GALNTL6: variants seen among roughly 807,000 people sequenced by gnomAD.
GALNTL6 encodes the protein polypeptide N-acetylgalactosaminyltransferase-like 6.
GALNTL6 carries 46 observed loss-of-function variants against 73.7 expected under a neutral mutation model. That is an observed-to-expected ratio of 0.62 (90% CI 0.49 to 0.80). The LOEUF (loss-of-function observed/expected upper bound fraction) is 0.80. Ranked by LOEUF, GALNTL6 falls within the 30% of genes least tolerant of loss-of-function variation. GALNTL6 has a pLI of 0.00. For missense variants in GALNTL6, 604 were observed against 755.0 expected (o/e 0.80, Z 2.34); for synonymous variants, 259 against 263.7 (o/e 0.98, Z 0.17).
At chr4:171,901,301 A>G (rs1166487670) in intron 2 of GALNTL6, among the ~76,000 whole-genome samples, 2 of 152,120 alleles carry the variant, frequency 1.3e-5, no homozygotes, top group African/African-American at 4.8e-5. Context: ...AAATGATTGA[A>G]CCATTTTCCA....
At chr4:172,887,252 G>GATTCCATGT (rs1417519767) in intron 8 of GALNTL6, among the ~76,000 whole-genome samples, 3 of 152,136 alleles carry the variant, frequency 2.0e-5, no homozygotes, top group African/African-American at 7.2e-5. Flanking sequence ...CACATAGGTT[G>GATTCCATGT]ATTCCATGTA....
chr4:172,782,539 C>A (rs1739424502), intron 5 of GALNTL6, among the ~76,000 whole-genome samples: 1 of 152,124 alleles, frequency 6.6e-6, no homozygotes, highest in African/African-American at 2.4e-5. Context: ...AAAGTTTTTA[C>A]CCTGTAAACA....
chr4:172,382,663 T>C (rs953464044), intron 5 of GALNTL6, among the ~76,000 whole-genome samples: 2 of 152,172 alleles, frequency 1.3e-5, no homozygotes, highest in African/African-American at 4.8e-5. Context: ...TAAAAAACCA[T>C]TGCTTAACAA....
intron 2 of GALNTL6, among the ~76,000 whole-genome samples, chr4:171,854,822 T>A (rs2110868247): frequency 6.6e-6 from 1 of 152,310 alleles, no homozygotes; most frequent in African/African-American, 2.4e-5. Flanking sequence ...TAATTACCTC[T>A]CAAAGGCCCC....
intron 11 of GALNTL6, among the ~76,000 whole-genome samples, chr4:173,010,589 T>TTTTTG (rs1003499760): frequency 3.9e-5 from 6 of 152,026 alleles, no homozygotes; most frequent in African/African-American, 1.2e-4. Context: ...TTTGTTGTTT[T>TTTTTG]TTTTGTTTTG....
intron 2 of GALNTL6, among the ~76,000 whole-genome samples, chr4:171,925,357 A>G (rs370909174): frequency 1.6e-4 from 25 of 152,312 alleles, no homozygotes; most frequent in African/African-American, 6.0e-4. Flanking sequence ...TTAGGAAGAT[A>G]ATTCAGTGAT....
chr4:172,007,050 A>G (rs1740864131), intron 2 of GALNTL6, among the ~76,000 whole-genome samples: 1 of 152,152 alleles, frequency 6.6e-6, no homozygotes, highest in African/African-American at 2.4e-5. Flanking sequence ...ATTAAGGAAA[A>G]TCTTTCCTTT....
At chr4:172,971,551 G>A (rs974969023) in intron 10 of GALNTL6, among the ~76,000 whole-genome samples, 9 of 152,156 alleles carry the variant, frequency 5.9e-5, no homozygotes, top group South Asian at 2.1e-4. Flanking sequence ...AGCAGAATAC[G>A]TTTGCTGATT....
chr4:172,091,861 C>T lies in GALNTL6; in HGVS notation c.139-137795C>T, dbSNP rs556470011. 2.6e-4 allele frequency among the ~76,000 whole-genome samples: 40 copies of T among 152,080 alleles called. 2 individuals carry two copies. Among genetic ancestry groups the T allele is most frequent in the Admixed American group, 1.0e-3 (16 of 15,256 alleles). On this transcript the variant is annotated intron_variant, in intron 2 of 12. Transcript: ENST00000506823. ...CAGTGAGAGAGACAGAGAAAAGAAT[C>T]GGGAACATTTTAAACAAAAAAGTCA...
intron 5 of GALNTL6, among the ~76,000 whole-genome samples, chr4:172,481,348 C>T (rs1035084493): frequency 8.0e-6 from 1 of 124,570 alleles, no homozygotes; most frequent in African/African-American, 2.7e-5. Flanking sequence ...CAGTGCGGAC[C>T]CAAAGAGTGA....
At chr4:172,765,231 G>T (rs750721676) in intron 5 of GALNTL6, among the ~76,000 whole-genome samples, 13 of 152,124 alleles carry the variant, frequency 8.5e-5, no homozygotes, top group Non-Finnish European at 1.9e-4. Context: ...AATGCAGAAG[G>T]ATCAACTGCA....
intron 2 of GALNTL6, among the ~76,000 whole-genome samples, chr4:172,126,313 A>G (rs1324158128): frequency 6.6e-6 from 1 of 152,188 alleles, no homozygotes; most frequent in African/African-American, 2.4e-5. Context: ...TTAATTTAAA[A>G]TAACATAACT....
chr4:171,863,760 A>AT (rs1735899454), intron 2 of GALNTL6, among the ~76,000 whole-genome samples: 1 of 150,016 alleles, frequency 6.7e-6, no homozygotes, highest in Non-Finnish European at 1.5e-5. Flanking sequence ...GAAAAGGAAC[A>AT]CTTTTTTTTT....
At chr4:173,022,920 T>C (rs72708766) in intron 12 of GALNTL6, among the ~76,000 whole-genome samples, 3,507 of 152,360 alleles carry the variant, frequency 0.023, 71 homozygotes, top group Non-Finnish European at 0.031. Context: ...GGGATAGAAC[T>C]TGGCTGTCAA....
At chr4:172,580,520 C>A (rs1207076117) in intron 5 of GALNTL6, among the ~76,000 whole-genome samples, 2 of 152,080 alleles carry the variant, frequency 1.3e-5, no homozygotes, top group East Asian at 1.9e-4. Context: ...AATTTATATT[C>A]TTTTCTTTTC....
chr4:172,349,256 A>G (rs114977441), intron 5 of GALNTL6, among the ~76,000 whole-genome samples: 2,437 of 152,198 alleles, frequency 0.016, 59 homozygotes, highest in African/African-American at 0.055. Flanking sequence ...TAATACTTTT[A>G]TAATTTTATA....
chr4:171,859,862 A>G (rs1735785696), intron 2 of GALNTL6, among the ~76,000 whole-genome samples: 1 of 152,180 alleles, frequency 6.6e-6, no homozygotes, highest in Non-Finnish European at 1.5e-5. Context: ...AAAAATAGAC[A>G]TTCAACATAG....
Position 173,040,527 on chromosome 4 carries a change from T to G in GALNTL6, c.*427T>G, listed in dbSNP as rs767649049. 1.2e-4 allele frequency: 20 copies of G among 163,674 alleles called. No individual in the cohort carries two copies. The highest frequency in any genetic ancestry group is 7.4e-4 in the Admixed American group (12 of 16,292). 10.1% of individuals were successfully genotyped at this position (163,674 alleles called of 1,614,324 possible). A position where few individuals can be genotyped will look rare whatever the true frequency, so the allele number is the denominator to read the frequency against. ...ATCACAGGTTTAGAACTAGCCAAGC[T>G]TAAGGGGTGAGCTGTACTCTTTGGT... On this transcript the variant is annotated 3_prime_UTR_variant, in exon 13 of 13. Coordinates refer to ENST00000506823, the MANE Select transcript of GALNTL6 (RefSeq NM_001034845.3).
rs375309431 is a variant in GALNTL6, at chr4:172,946,016, T to C, written c.1150-6021T>C. ...TTCAAATAAAAGCAGAAATTTAAAA[T>C]CATGGGATATGGATACACCTCCTTG... On this transcript the variant is annotated intron_variant, in intron 9 of 12. Coordinates refer to ENST00000506823, the MANE Select transcript of GALNTL6 (RefSeq NM_001034845.3). 5.9e-5 allele frequency among the ~76,000 whole-genome samples: 9 copies of C among 152,230 alleles called. 1 individual carries two copies. The South Asian group carries it at 1.9e-3, about 32-fold the overall frequency.
Sources: gnomAD v4.1 joint callset for allele counts (sites outside exome capture counted in the v4.1 genomes callset) on GRCh38, gnomAD v4.1.1 for gene constraint, MANE v1.5 for transcripts, NCBI Gene and HGNC (gene_info 2026-07-23, HGNC 2026-07-21) for gene names.